Variants in LEF1 observed in about 807,000 individuals in gnomAD.
The protein encoded by LEF1 is lymphoid enhancer binding factor 1.
A neutral mutation model predicts 51.2 loss-of-function variants in LEF1; 14 were observed. The observed-to-expected ratio is 0.27, with a 90% CI of 0.18 to 0.43. LEF1 has a LOEUF of 0.43. Ranked by LOEUF, LEF1 falls within the 20% of genes least tolerant of loss-of-function variation. The pLI is 1.00. For missense variants in LEF1, 386 were observed against 512.0 expected, an observed-to-expected ratio of 0.75 and a Z score of 2.37; for synonymous variants, 185 against 183.2, an observed-to-expected ratio of 1.01 and a Z score of -0.08.
chr4:108,128,251 G>A (rs543334245), intron 3 of LEF1, among the ~76,000 whole-genome samples: 43 of 152,262 alleles, frequency 2.8e-4, no homozygotes, highest in African/African-American at 9.9e-4. Flanking sequence ...AGTGGCAGCA[G>A]AGTCCAGCAA....
At position 108,167,586 on chromosome 4, in the gene LEF1, G is replaced by A; in HGVS notation, c.182C>T (p.Ser61Phe). The A allele has an allele frequency of 6.2e-7, 1 of 1,614,202 alleles. No homozygotes were observed. Among genetic ancestry groups the A allele is most frequent in the Non-Finnish European group, 8.5e-7 (1 of 1,180,040 alleles). The change falls in exon 1 of 12, where the codon TCT becomes TTT. Residue 61 changes from serine (S) to phenylalanine (F), a missense_variant. By Grantham distance (155) the Ser-to-Phe change is radical (BLOSUM62 -2). Coordinates refer to ENST00000265165, the MANE Select transcript of LEF1 (RefSeq NM_016269.5). The surrounding 1 kb of genome is among the most constrained non-coding windows in gnomAD (Gnocchi z 5.7). ...ADIKSSLVNE[S>F]EIIPASNGHE... ...TCCGTTGCTGGCCGGGATGATTTCA[G>A]ACTCGTTCACCAAGGAAGACTTGAT... is the stretch of plus-strand genomic sequence containing the variant.
intron 1 of LEF1, chr4:108,165,377 A>G (rs1745323350): frequency 1.9e-6 from 1 of 518,092 alleles, no homozygotes; most frequent in African/African-American, 1.9e-5. Context: ...CCCGGGACCA[A>G]AAACGTATAA....
At chr4:108,059,788 G>A (rs1737551230) in intron 11 of LEF1, among the ~76,000 whole-genome samples, 1 of 152,126 alleles carries the variant, frequency 6.6e-6, no homozygotes, top group Non-Finnish European at 1.5e-5. Context: ...CTGCAGCCTT[G>A]ACATCCCGGG....
At chr4:108,090,267 C>T (rs1298782415) in intron 3 of LEF1, among the ~76,000 whole-genome samples, 1 of 152,068 alleles carries the variant, frequency 6.6e-6, no homozygotes, top group African/African-American at 2.4e-5. Flanking sequence ...CATGAGCCAC[C>T]GTGTCCAGCT....
At chr4:108,159,663 T>C (rs1036905201) in intron 3 of LEF1, among the ~76,000 whole-genome samples, 4 of 152,192 alleles carry the variant, frequency 2.6e-5, no homozygotes, top group Non-Finnish European at 5.9e-5. Flanking sequence ...AAAATCAGAT[T>C]TTAGCTGTTT....
intron 8 of LEF1, among the ~76,000 whole-genome samples, chr4:108,076,325 T>C (rs1738857323): frequency 1.3e-5 from 2 of 152,206 alleles, no homozygotes; most frequent in South Asian, 2.1e-4. Context: ...TTTTGGCTAA[T>C]AGAGGCCCTA....
intron 3 of LEF1, among the ~76,000 whole-genome samples, chr4:108,107,442 G>A (rs1578351659): frequency 6.6e-6 from 1 of 151,744 alleles, no homozygotes; most frequent in African/African-American, 2.4e-5. Flanking sequence ...CGTCTCTTAT[G>A]CTTTCCAAAA....
At chr4:108,097,428 C>A (rs995314346) in intron 3 of LEF1, among the ~76,000 whole-genome samples, 4 of 152,164 alleles carry the variant, frequency 2.6e-5, no homozygotes, top group Non-Finnish European at 5.9e-5. Flanking sequence ...ATGATGGTTA[C>A]CAGCAGCTTG....
chr4:108,098,502 A>AGGGGGGGGC (rs1553952871), intron 3 of LEF1, among the ~76,000 whole-genome samples: 1 of 151,890 alleles, frequency 6.6e-6, no homozygotes, highest in Admixed American at 6.6e-5. Flanking sequence ...TTCATATTCA[A>AGGGGGGGGC]AGGGGGGGCT....
chr4:108,111,533 C>T (rs1251917180), intron 3 of LEF1, among the ~76,000 whole-genome samples: 1 of 152,102 alleles, frequency 6.6e-6, no homozygotes, highest in Non-Finnish European at 1.5e-5. Flanking sequence ...TATTTCCAGC[C>T]CTAACTGTCA....
At chr4:108,067,898 A>G (rs954724357) in intron 9 of LEF1, among the ~76,000 whole-genome samples, 4 of 152,076 alleles carry the variant, frequency 2.6e-5, no homozygotes, top group Non-Finnish European at 5.9e-5. Context: ...CAGGAGCTCT[A>G]TATAGAGATG....
intron 3 of LEF1, among the ~76,000 whole-genome samples, chr4:108,100,769 G>A (rs1240598556): frequency 6.6e-6 from 1 of 152,122 alleles, no homozygotes; most frequent in African/African-American, 2.4e-5. Flanking sequence ...CATGTGAAAA[G>A]TCCCCTCTCC....
At chr4:108,058,837 C>A (rs978169701) in intron 11 of LEF1, among the ~76,000 whole-genome samples, 15 of 152,200 alleles carry the variant, frequency 9.9e-5, no homozygotes, top group African/African-American at 3.6e-4. Context: ...GCAGTCCTCA[C>A]TAAATGTTTG....
At position 108,097,456 on chromosome 4, in the gene LEF1, G is replaced by T. The variant is rs556021581; in HGVS notation, c.415-8199C>A. On this transcript the variant is annotated intron_variant, in intron 3 of 11. Transcript: ENST00000265165. The stretch of plus-strand genomic sequence containing the variant: ...GCAGCTTGGAATGGGGGTTGGGTGA[G>T]TGGGGATGGTTAATGAGTGCAAAAA... 3.3e-5 allele frequency among the ~76,000 whole-genome samples: 5 copies of T among 152,356 alleles called. No homozygotes were observed. In the East Asian group the frequency reaches 9.6e-4, roughly 29 times the overall value.
chr4:108,156,656 C>T (rs1744719353), intron 3 of LEF1, among the ~76,000 whole-genome samples: 1 of 152,226 alleles, frequency 6.6e-6, no homozygotes, highest in South Asian at 2.1e-4. Flanking sequence ...CCCCCAGTTA[C>T]TTTATGATGG....
intron 3 of LEF1, among the ~76,000 whole-genome samples, chr4:108,121,200 T>A (rs1742161093): frequency 6.6e-6 from 1 of 152,244 alleles, no homozygotes; most frequent in African/African-American, 2.4e-5. Context: ...TCCATGGTGA[T>A]GAATATAGTA....
chr4:108,127,218 C>T (rs776542264), intron 3 of LEF1, among the ~76,000 whole-genome samples: 2 of 152,150 alleles, frequency 1.3e-5, no homozygotes, highest in Admixed American at 6.5e-5. Flanking sequence ...AGTGATCAGA[C>T]GTGGGACTTC....
chr4:108,063,610 G>A lies in LEF1; in HGVS notation c.*6+13C>T. 1.3e-6 allele frequency: 2 copies of A among 1,588,150 alleles called. No homozygotes were observed. Among genetic ancestry groups the A allele is most frequent in the Non-Finnish European group, 1.7e-6 (2 of 1,168,578 alleles). ...AACTAACGTCAGCAGTAGGACCAGAGAGTCGTTCTTACCATGTTTCAGATG... is the reference window on the plus strand; with the variant it reads ...AACTAACGTCAGCAGTAGGACCAGAAAGTCGTTCTTACCATGTTTCAGATG... On this transcript the variant is annotated intron_variant, in intron 11 of 11. Transcript: ENST00000265165.
chr4:108,157,175 TATATACACACACACACAC>T (rs1188628571), intron 3 of LEF1, among the ~76,000 whole-genome samples: 2 of 57,524 alleles, frequency 3.5e-5, no homozygotes, highest in East Asian at 1.4e-3. Flanking sequence ...TCTCTATATA[TATATACACACACACACAC>T]ACACACACAC....
Sources: allele counts gnomAD v4.1 joint callset (sites outside exome capture counted in the v4.1 genomes callset), GRCh38; gene constraint gnomAD v4.1.1; non-coding constraint Gnocchi (gnomAD v3.1); transcripts MANE v1.5; gene names NCBI Gene and HGNC (gene_info 2026-07-23, HGNC 2026-07-21).